The following FRMD4A variants were observed in gnomAD, a reference collection of about 807,000 sequenced individuals.
FRMD4A encodes the protein FERM domain-containing protein 4A.
Under a neutral mutation model 129.1 loss-of-function variants are expected in FRMD4A, and 29 were observed. The observed-to-expected ratio is 0.22, with a 90% CI of 0.17 to 0.31. FRMD4A has a LOEUF of 0.31. Among genes scored for constraint, FRMD4A ranks in the 10% least tolerant of loss-of-function variants. The pLI is 1.00. For synonymous variants in FRMD4A, 634 were observed against 571.6 expected (o/e 1.11, Z -1.56); for missense variants, 1,272 against 1,375.8 (o/e 0.92, Z 1.19).
chr10:14,029,684 C>A (rs920997109), intron 2 of FRMD4A, among the ~76,000 whole-genome samples: 1 of 151,986 alleles, frequency 6.6e-6, no homozygotes, highest in South Asian at 2.1e-4. Context: ...TATTTTCATG[C>A]CTGGGTCAGT....
At position 13,894,638 on chromosome 10, in the gene FRMD4A, C is replaced by A. The variant is rs141884426; in HGVS notation, c.46-35726G>T. Among the ~76,000 whole-genome samples the A allele has an allele frequency of 4.9e-3, 741 of 152,336 alleles. 2 individuals carry two copies. The highest frequency in any genetic ancestry group is 6.8e-3 in the Middle Eastern group (2 of 294). On this transcript the variant is annotated intron_variant, in intron 2 of 24. Transcript: ENST00000357447. ...ATATTATTCACATTTCCTGCTTCCT[C>A]TCCCTGGAAGGCCAGGCCCTGCTCC... is the stretch of plus-strand genomic sequence containing the variant.
intron 4 of FRMD4A, among the ~76,000 whole-genome samples, chr10:13,800,056 C>T (rs2093219581): frequency 6.6e-6 from 1 of 151,982 alleles, no homozygotes; most frequent in South Asian, 2.1e-4. Flanking sequence ...GTGGCACATG[C>T]CTGTAATCCC....
Position 13,810,881 on chromosome 10 carries a change from C to T in FRMD4A, c.139G>A (p.Asp47Asn). The change falls in exon 4 of 25, where the codon GAC (aspartate) becomes AAC (asparagine). Residue 47 changes from aspartate (D) to asparagine (N), a missense_variant. Physicochemically the swap from Asp to Asn is conservative, Grantham distance 23. Around this residue, in one of 2 missense-constraint regions of FRMD4A, gnomAD observed 300 missense variants for 483.6 expected, o/e 0.62. Coordinates refer to ENST00000357447, the MANE Select transcript of FRMD4A (RefSeq NM_018027.5). ...AGATTGAAGTGAGAAGCCACAAGGT[C>T]AAGAAGCTCCTTGGCCAACAGCTTG... ...QPKLLAKELL[D>N]LVASHFNLKE... 1 of 1,601,590 alleles carries T rather than the reference C, an allele frequency of 6.2e-7. No homozygotes were observed. The highest frequency in any genetic ancestry group is 8.6e-7 in the Non-Finnish European group (1 of 1,169,480).
intron 2 of FRMD4A, among the ~76,000 whole-genome samples, chr10:13,938,344 C>T (rs1320062808): frequency 1.3e-5 from 2 of 152,172 alleles, no homozygotes; most frequent in African/African-American, 2.4e-5. Flanking sequence ...CGGGTTCAAG[C>T]GATTCTCACA....
chr10:14,191,300 G>T (rs1024955995), intron 2 of FRMD4A, among the ~76,000 whole-genome samples: 1 of 152,212 alleles, frequency 6.6e-6, no homozygotes, highest in African/African-American at 2.4e-5. Flanking sequence ...TGCTTTGAGA[G>T]AATTTTATCT....
chr10:13,842,664 T>A (rs760345533), intron 3 of FRMD4A, among the ~76,000 whole-genome samples: 2 of 152,174 alleles, frequency 1.3e-5, no homozygotes, highest in African/African-American at 4.8e-5. Context: ...GCTGGTATAT[T>A]TTCTGTTGGT....
At position 13,651,979 on chromosome 10, in the gene FRMD4A, A is replaced by C. The variant is rs764079333; in HGVS notation, c.3051-5T>G. On this transcript the variant is annotated splice_polypyrimidine_tract_variant and splice_region_variant and intron_variant, in intron 23 of 24. Coordinates refer to ENST00000357447, the MANE Select transcript of FRMD4A (RefSeq NM_018027.5). The stretch of plus-strand genomic sequence containing the variant: ...GGTGAGTTTTCTGTTGCTTCTCTGA[A>C]CAAAGGAAAGCAGGAGGAGGAAGAG... 1 of 1,547,154 alleles carries C rather than the reference A, an allele frequency of 6.5e-7. No homozygotes were observed. The highest frequency in any genetic ancestry group is 8.9e-7 in the Non-Finnish European group (1 of 1,118,966).
At chr10:13,659,570 A>G in intron 20 of FRMD4A, 80 bp from the exon 21 acceptor site, 1 of 1,399,896 alleles carries the variant, frequency 7.1e-7, no homozygotes, top group Admixed American at 1.8e-5. Context: ...CAGGACAATG[A>G]TCCCAGCATG....
intron 3 of FRMD4A, among the ~76,000 whole-genome samples, chr10:13,849,700 A>C (rs555490647): frequency 1.7e-3 from 253 of 151,192 alleles, no homozygotes; most frequent in African/African-American, 5.9e-3. Context: ...GCTGGTCTCA[A>C]AGTCCCGACC....
rs539225106 is a variant in FRMD4A, at chr10:14,089,952, G to A, written c.46-231040C>T. Among the ~76,000 whole-genome samples, 3 of 152,346 alleles carry A rather than the reference G, an allele frequency of 2.0e-5. No homozygotes were observed. In the South Asian group the frequency reaches 6.2e-4, roughly 32 times the overall value. On this transcript the variant is annotated intron_variant, in intron 2 of 24. Transcript: ENST00000357447. ...TTTTCAGGAAAATAAAATAGATCTT[G>A]CTCTACCCTGACAGAGCAGGGCCGA... is the stretch of plus-strand genomic sequence containing the variant.
chr10:13,701,272 C>T (rs567333284), intron 14 of FRMD4A, 68 bp downstream of exon 14: 26 of 1,482,656 alleles, frequency 1.8e-5, no homozygotes, highest in African/African-American at 2.8e-5. Flanking sequence ...CCCACCCATC[C>T]GATCCTCATT....
At chr10:13,711,097 C>T (rs1417404229) in intron 12 of FRMD4A, among the ~76,000 whole-genome samples, 2 of 152,184 alleles carry the variant, frequency 1.3e-5, no homozygotes, top group Admixed American at 6.5e-5. Context: ...GACTTCTCTT[C>T]ACTTAGGAGG....
At chr10:13,737,796 C>T in intron 12 of FRMD4A, 48 bp downstream of exon 12, 1 of 1,017,984 alleles carries the variant, frequency 9.8e-7, no homozygotes. Flanking sequence ...ACGCCTGTTC[C>T]TCTCTGGATC....
At chr10:14,033,008 T>C (rs1833320308) in intron 2 of FRMD4A, among the ~76,000 whole-genome samples, 1 of 152,272 alleles carries the variant, frequency 6.6e-6, no homozygotes, top group African/African-American at 2.4e-5. Context: ...ACTACGTTCT[T>C]TTAAGATAAT....
intron 2 of FRMD4A, among the ~76,000 whole-genome samples, chr10:13,873,796 C>T (rs1426302786): frequency 6.6e-6 from 1 of 151,898 alleles, no homozygotes; most frequent in Non-Finnish European, 1.5e-5. Context: ...ATCTGTCCAC[C>T]TTGGCCTCCC....
chr10:13,797,940 T>C (rs2093158649), intron 4 of FRMD4A, among the ~76,000 whole-genome samples: 1 of 151,104 alleles, frequency 6.6e-6, no homozygotes, highest in Non-Finnish European at 1.5e-5. Context: ...AAAATCCCCC[T>C]CCACAAAGCC....
intron 2 of FRMD4A, among the ~76,000 whole-genome samples, chr10:14,040,243 A>G (rs1380191863): frequency 2.0e-5 from 3 of 152,102 alleles, no homozygotes; most frequent in Non-Finnish European, 4.4e-5. Flanking sequence ...TGTGTACAAC[A>G]TTCTAATTTT....
intron 2 of FRMD4A, among the ~76,000 whole-genome samples, chr10:14,276,735 T>G (rs1845354184): frequency 6.6e-6 from 1 of 152,256 alleles, no homozygotes; most frequent in Admixed American, 6.5e-5. Flanking sequence ...TTGGTTTGTT[T>G]GCTTCTCTAT....
chr10:13,665,693 A>T (rs937607178), intron 18 of FRMD4A, among the ~76,000 whole-genome samples: 49 of 152,282 alleles, frequency 3.2e-4, no homozygotes, highest in African/African-American at 1.2e-3. Context: ...GAAGACAGGG[A>T]TCACTGCTGC....
Sources: allele counts gnomAD v4.1 joint callset (sites outside exome capture counted in the v4.1 genomes callset), GRCh38; gene constraint gnomAD v4.1.1; regional missense constraint gnomAD v4.1.1; transcripts MANE v1.5; gene names NCBI Gene and HGNC (gene_info 2026-07-23, HGNC 2026-07-21).